GALNTL6: variants seen among roughly 807,000 people sequenced by gnomAD.
The protein encoded by GALNTL6 is polypeptide N-acetylgalactosaminyltransferase-like 6.
GALNTL6 carries 46 observed loss-of-function variants against 73.7 expected under a neutral mutation model. The ratio of observed to expected loss-of-function variants is 0.62; its 90% CI spans 0.49 to 0.80. GALNTL6 has a LOEUF of 0.80. GALNTL6 is among the 30% of genes least tolerant of loss of function. The probability of loss-of-function intolerance (pLI) is 0.00; values close to 1 mark genes in which losing one functional copy is unlikely to be tolerated. For synonymous variants in GALNTL6, 259 were observed against 263.7 expected (o/e 0.98, Z 0.17); for missense variants, 604 against 755.0 (o/e 0.80, Z 2.34).
chr4:172,851,192 T>A (rs1009390523), intron 7 of GALNTL6, among the ~76,000 whole-genome samples: 26 of 152,050 alleles, frequency 1.7e-4, no homozygotes, highest in Non-Finnish European at 3.4e-4. Context: ...CCATGAAATA[T>A]CAAGGGATTT....
At chr4:172,674,536 T>C (rs1225979589) in intron 5 of GALNTL6, among the ~76,000 whole-genome samples, 1 of 152,208 alleles carries the variant, frequency 6.6e-6, no homozygotes, top group Non-Finnish European at 1.5e-5. Context: ...GAACTTACCA[T>C]GAATGCTATT....
At chr4:172,412,187 A>C (rs953520270) in intron 5 of GALNTL6, among the ~76,000 whole-genome samples, 1 of 151,968 alleles carries the variant, frequency 6.6e-6, no homozygotes, top group South Asian at 2.1e-4. Context: ...AAGACTACAG[A>C]TTCATGGCAT....
intron 2 of GALNTL6, among the ~76,000 whole-genome samples, chr4:171,921,096 T>G (rs909340920): frequency 1.3e-5 from 2 of 152,122 alleles, no homozygotes; most frequent in Admixed American, 6.6e-5. Flanking sequence ...TGAAAACTGA[T>G]GAGTCATGCT....
intron 3 of GALNTL6, among the ~76,000 whole-genome samples, chr4:172,287,039 C>T (rs926762757): frequency 6.6e-6 from 1 of 152,154 alleles, no homozygotes; most frequent in Non-Finnish European, 1.5e-5. Context: ...CCAGAATCAT[C>T]GTTGAGGGTA....
chr4:172,663,471 C>G (rs1207371299), intron 5 of GALNTL6, among the ~76,000 whole-genome samples: 3 of 152,206 alleles, frequency 2.0e-5, no homozygotes, highest in African/African-American at 7.2e-5. Context: ...GTATATTCAA[C>G]CCCTCCCTAA....
chr4:172,311,494 C>T (rs542076611), intron 3 of GALNTL6, 120 bp from the exon 4 acceptor site: 10 of 638,282 alleles, frequency 1.6e-5, no homozygotes, highest in African/African-American at 1.5e-4. Flanking sequence ...AATCTTAGTA[C>T]TAGCTCCTTC....
intron 5 of GALNTL6, among the ~76,000 whole-genome samples, chr4:172,805,206 C>T (rs911506860): frequency 1.3e-5 from 2 of 152,120 alleles, no homozygotes; most frequent in African/African-American, 4.8e-5. Context: ...GTCTTTGACT[C>T]TTCTGACTAT....
At chr4:172,715,763 T>A (rs1192400346) in intron 5 of GALNTL6, among the ~76,000 whole-genome samples, 1 of 152,210 alleles carries the variant, frequency 6.6e-6, no homozygotes, top group Non-Finnish European at 1.5e-5. Context: ...TTGTAGTTGT[T>A]AGATCCATTT....
At chr4:172,292,305 A>G (rs564759251) in intron 3 of GALNTL6, among the ~76,000 whole-genome samples, 1 of 152,282 alleles carries the variant, frequency 6.6e-6, no homozygotes, top group African/African-American at 2.4e-5. Flanking sequence ...TCTGCAAACA[A>G]GTCTGTTCTT....
At chr4:172,086,794 C>A (rs1732046389) in intron 2 of GALNTL6, among the ~76,000 whole-genome samples, 1 of 152,140 alleles carries the variant, frequency 6.6e-6, no homozygotes, top group African/African-American at 2.4e-5. Context: ...TCATACTGTT[C>A]TAGTACCATG....
chr4:172,124,109 A>G (rs1431660225), intron 2 of GALNTL6, among the ~76,000 whole-genome samples: 1 of 152,160 alleles, frequency 6.6e-6, no homozygotes, highest in East Asian at 1.9e-4. Flanking sequence ...TGACAAGAAA[A>G]TTTGGTTATT....
chr4:172,871,358 C>A (rs1334077172), intron 7 of GALNTL6, among the ~76,000 whole-genome samples: 1 of 152,148 alleles, frequency 6.6e-6, no homozygotes, highest in Non-Finnish European at 1.5e-5. Flanking sequence ...TGTGCCCCAA[C>A]AGAAACAGGG....
intron 7 of GALNTL6, among the ~76,000 whole-genome samples, chr4:172,858,962 G>GA (rs1266575241): frequency 7.0e-6 from 1 of 143,666 alleles, no homozygotes. Flanking sequence ...ATGGTCTCTT[G>GA]AAAAAAAATA....
intron 5 of GALNTL6, among the ~76,000 whole-genome samples, chr4:172,365,168 AG>A (rs2111246699): frequency 1.3e-5 from 2 of 152,302 alleles, no homozygotes; most frequent in East Asian, 3.9e-4. Flanking sequence ...TTAAGGGTTT[AG>A]GGAGAGAGCA....
chr4:171,898,884 G>T (rs1239976952), intron 2 of GALNTL6, among the ~76,000 whole-genome samples: 1 of 151,952 alleles, frequency 6.6e-6, no homozygotes, highest in East Asian at 1.9e-4. Context: ...AAACTATGGG[G>T]AACAATAAGC....
chr4:172,583,893 CAA>C (rs57722016), intron 5 of GALNTL6, among the ~76,000 whole-genome samples: 10 of 31,620 alleles, frequency 3.2e-4, no homozygotes, highest in East Asian at 2.5e-3. Context: ...GACTCTGTCT[CAA>C]AAAAAAAAAA....
intron 2 of GALNTL6, among the ~76,000 whole-genome samples, chr4:172,012,346 C>A (rs1741037479): frequency 6.6e-6 from 1 of 152,096 alleles, no homozygotes; most frequent in Non-Finnish European, 1.5e-5. Context: ...AACCCTTCTT[C>A]CAGGGTCTAC....
intron 3 of GALNTL6, among the ~76,000 whole-genome samples, chr4:172,301,898 T>C (rs1193484596): frequency 6.6e-6 from 1 of 152,178 alleles, no homozygotes; most frequent in Non-Finnish European, 1.5e-5. Context: ...TTCAAAGCTG[T>C]CAGACAGGGA....
chr4:172,925,286 G>T (rs1367951754), intron 8 of GALNTL6, among the ~76,000 whole-genome samples: 2 of 151,800 alleles, frequency 1.3e-5, no homozygotes, highest in East Asian at 3.9e-4. Context: ...AGTCTGCCCA[G>T]AAGTTTCTTG....
Sources: gnomAD v4.1 joint callset for allele counts (sites outside exome capture counted in the v4.1 genomes callset) on GRCh38, gnomAD v4.1.1 for gene constraint, MANE v1.5 for transcripts, NCBI Gene and HGNC (gene_info 2026-07-23, HGNC 2026-07-21) for gene names.